Variants in FOCAD observed in about 807,000 individuals in gnomAD.
The protein encoded by FOCAD is focadhesin.
Under a neutral mutation model 225.6 loss-of-function variants are expected in FOCAD, and 198 were observed. The ratio of observed to expected loss-of-function variants is 0.88; its 90% confidence interval spans 0.78 to 0.99. FOCAD has a LOEUF of 0.99. FOCAD is among the 50% of genes least tolerant of loss of function. FOCAD has a pLI of 0.00. For synonymous variants in FOCAD, 897 were observed against 755.0 expected (o/e 1.19, Z -3.08); for missense variants, 2,713 against 2,123.6 (o/e 1.28, Z -5.46).
intron 21 of FOCAD, among the ~76,000 whole-genome samples, chr9:20,890,941 T>C (rs1831559679): frequency 6.6e-6 from 1 of 152,156 alleles, no homozygotes; most frequent in South Asian, 2.1e-4. Flanking sequence ...CTGCATTTTT[T>C]ACAAATTGAA....
upstream of FOCAD, among the ~76,000 whole-genome samples, chr9:20,680,642 GA>G (rs1822374196): frequency 6.6e-6 from 1 of 152,084 alleles, no homozygotes; most frequent in Non-Finnish European, 1.5e-5. Flanking sequence ...ATAGGACTAG[GA>G]GTCAGGGAAC....
intron 35 of FOCAD, among the ~76,000 whole-genome samples, chr9:20,957,933 C>T (rs1034993791): frequency 2.0e-5 from 3 of 151,924 alleles, no homozygotes; most frequent in African/African-American, 7.3e-5. Context: ...GGCCAGGCCT[C>T]GTTGCCCTTC....
chr9:20,880,231 A>G lies in FOCAD; in HGVS notation c.2318-1640A>G, dbSNP rs1830555340. On this transcript the variant is annotated intron_variant, in intron 19 of 43. Coordinates refer to ENST00000338382, the MANE Select transcript of FOCAD (RefSeq NM_001375567.1). Reference sequence around the variant, plus strand: ...TATTTACAGTTGTGTTGTCAAGGTTAAGGGAAACTCACAAGAGATGGTAAA... The same window carrying G: ...TATTTACAGTTGTGTTGTCAAGGTTGAGGGAAACTCACAAGAGATGGTAAA... 3.3e-5 allele frequency among the ~76,000 whole-genome samples: 5 copies of G among 152,296 alleles called. No homozygotes were observed. In the South Asian group the frequency reaches 1.0e-3, roughly 32 times the overall value.
intron 11 of FOCAD, among the ~76,000 whole-genome samples, chr9:20,795,885 A>G (rs1306093084): frequency 6.6e-6 from 1 of 151,434 alleles, no homozygotes; most frequent in African/African-American, 2.4e-5. Flanking sequence ...CACAACGTAT[A>G]CAGGTGCCAT....
At chr9:20,949,142 G>T (rs1176194356) in intron 32 of FOCAD, among the ~76,000 whole-genome samples, 2 of 152,078 alleles carry the variant, frequency 1.3e-5, no homozygotes, top group Non-Finnish European at 2.9e-5. Context: ...TTGGTTTTTA[G>T]AGATTAAACC....
Position 20,982,464 on chromosome 9 carries a change from T to TG in FOCAD, c.4728+18_4728+19insG. The TG allele has an allele frequency of 6.3e-7, 1 of 1,581,706 alleles. No homozygotes were observed. Among genetic ancestry groups the TG allele is most frequent in the Non-Finnish European group, 8.7e-7 (1 of 1,153,106 alleles). On this transcript the variant is annotated intron_variant, in intron 39 of 43. Coordinates refer to ENST00000338382, the MANE Select transcript of FOCAD (RefSeq NM_001375567.1). ...TTACTAAGGTAATAACATATCTTTC[T>TG]ATACCTTTTTTCATTATTGAGCCAG...
At chr9:20,696,856 G>T (rs901770823) in intron 1 of FOCAD, among the ~76,000 whole-genome samples, 1 of 152,066 alleles carries the variant, frequency 6.6e-6, no homozygotes, top group Non-Finnish European at 1.5e-5. Flanking sequence ...GTATTAAGAG[G>T]TGGAATTGTT....
chr9:20,763,031 A>G (rs944923358), intron 6 of FOCAD, among the ~76,000 whole-genome samples: 1 of 152,228 alleles, frequency 6.6e-6, no homozygotes, highest in Non-Finnish European at 1.5e-5. Context: ...TGTCTCTGTC[A>G]GACTGTATGC....
chr9:20,691,337 T>G (rs1822963220), intron 1 of FOCAD, among the ~76,000 whole-genome samples: 1 of 152,142 alleles, frequency 6.6e-6, no homozygotes. Flanking sequence ...TTAGACTCCT[T>G]TACTGGTTCT....
At chr9:20,810,827 T>A (rs1012561615) in intron 11 of FOCAD, among the ~76,000 whole-genome samples, 1 of 152,102 alleles carries the variant, frequency 6.6e-6, no homozygotes, top group Admixed American at 6.6e-5. Context: ...CCTCAAGTGA[T>A]GTGATATTTG....
intron 36 of FOCAD, among the ~76,000 whole-genome samples, chr9:20,977,542 A>C (rs7041057): frequency 6.6e-6 from 1 of 152,044 alleles, no homozygotes; most frequent in Non-Finnish European, 1.5e-5. Context: ...TAAGAAGGGG[A>C]GATGAAGAGC....
At chr9:20,936,316 T>C (rs940437188) in intron 28 of FOCAD, among the ~76,000 whole-genome samples, 2 of 152,246 alleles carry the variant, frequency 1.3e-5, no homozygotes, top group African/African-American at 4.8e-5. Flanking sequence ...ACATTCATAC[T>C]TTCTATCTTG....
At chr9:20,882,153 C>A in intron 20 of FOCAD, 97 bp downstream of exon 20, 2 of 1,002,894 alleles carry the variant, frequency 2.0e-6, no homozygotes, top group Non-Finnish European at 3.0e-6. Flanking sequence ...CAGGGTGTTG[C>A]TGCTGCTACT....
At chr9:20,830,734 G>C (rs535391645) in intron 15 of FOCAD, among the ~76,000 whole-genome samples, 3 of 152,174 alleles carry the variant, frequency 2.0e-5, no homozygotes, top group South Asian at 2.1e-4. Flanking sequence ...CTGGAGTGCA[G>C]TGGTGTGGTC....
intron 5 of FOCAD, among the ~76,000 whole-genome samples, chr9:20,745,247 C>G (rs1009006573): frequency 6.6e-6 from 1 of 152,012 alleles, no homozygotes; most frequent in South Asian, 2.1e-4. Context: ...GTAGCTGGGA[C>G]TACAGGTGCG....
intron 39 of FOCAD, among the ~76,000 whole-genome samples, chr9:20,983,042 C>T (rs1157545734): frequency 6.6e-6 from 1 of 152,174 alleles, no homozygotes; most frequent in Non-Finnish European, 1.5e-5. Context: ...TACTTTATGG[C>T]AGGTTTGCCT....
intron 9 of FOCAD, 29 bp from the exon 10 acceptor site, chr9:20,781,698 A>C (rs1390426508): frequency 6.2e-7 from 1 of 1,603,554 alleles, no homozygotes. Context: ...TTAATTTTTA[A>C]AAATGTGCAT....
intron 5 of FOCAD, among the ~76,000 whole-genome samples, chr9:20,740,570 T>C (rs916386428): frequency 2.6e-5 from 4 of 152,164 alleles, no homozygotes; most frequent in Non-Finnish European, 4.4e-5. Context: ...TAATTTGGAA[T>C]TGAAATCTTT....
chr9:20,741,001 G>C (rs1282724125), intron 5 of FOCAD, among the ~76,000 whole-genome samples: 2 of 152,160 alleles, frequency 1.3e-5, no homozygotes, highest in East Asian at 3.9e-4. Flanking sequence ...TGAGTTAGCA[G>C]AGGACCCAGA....
Sources: allele counts gnomAD v4.1 joint callset (sites outside exome capture counted in the v4.1 genomes callset), GRCh38; gene constraint gnomAD v4.1.1; transcripts MANE v1.5; gene names NCBI Gene and HGNC (gene_info 2026-07-23, HGNC 2026-07-21).